TMEM178B: variants seen among roughly 807,000 people sequenced by gnomAD.
TMEM178B encodes the protein transmembrane protein 178B.
TMEM178B carries 5 observed loss-of-function variants against 31.0 expected under a neutral mutation model. The ratio of observed to expected loss-of-function variants is 0.16; its 90% CI spans 0.08 to 0.34. The LOEUF is 0.34. TMEM178B is among the 10% of genes least tolerant of loss of function. TMEM178B has a pLI of 1.00. For synonymous variants in TMEM178B, 164 were observed against 164.0 expected (o/e 1.00, Z 0.00); for missense variants, 275 against 400.3 (o/e 0.69, Z 2.67).
At chr7:141,097,018 A>C (rs1794971127) in intron 1 of TMEM178B, among the ~76,000 whole-genome samples, 1 of 151,968 alleles carries the variant, frequency 6.6e-6, no homozygotes, top group African/African-American at 2.4e-5. Flanking sequence ...TGAGTCCAGA[A>C]GATCAAGGCT....
intron 2 of TMEM178B, among the ~76,000 whole-genome samples, chr7:141,375,125 G>A (rs140310894): frequency 1.9e-4 from 29 of 152,282 alleles, no homozygotes; most frequent in South Asian, 1.5e-3. Flanking sequence ...TTGATTTACC[G>A]GATGATGGTC....
chr7:141,200,465 T>TGAGC (rs1170985235), intron 1 of TMEM178B, among the ~76,000 whole-genome samples: 1 of 152,086 alleles, frequency 6.6e-6, no homozygotes, highest in Non-Finnish European at 1.5e-5. Context: ...AAAAGTGCTG[T>TGAGC]GAGCCTGGAG....
chr7:141,121,309 A>G (rs1291358747), intron 1 of TMEM178B, among the ~76,000 whole-genome samples: 1 of 152,168 alleles, frequency 6.6e-6, no homozygotes, highest in African/African-American at 2.4e-5. Flanking sequence ...AATTTTCCCA[A>G]AGAGTGTAGT....
rs181689788 is a variant in TMEM178B, at chr7:141,116,087, T to C, written c.382+41395T>C. On this transcript the variant is annotated intron_variant, in intron 1 of 3. Transcript: ENST00000565468. ...CTTCAGCTCCGAGTTCAGTGTTTCA[T>C]GTGTCCCACACTGACTTCATTCTCT... 4.6e-5 allele frequency among the ~76,000 whole-genome samples: 7 copies of C among 152,368 alleles called. No individual in the cohort carries two copies. The East Asian group carries it at 1.3e-3, about 29-fold the overall frequency.
chr7:141,108,576 G>C (rs757964992), intron 1 of TMEM178B, among the ~76,000 whole-genome samples: 61 of 152,132 alleles, frequency 4.0e-4, no homozygotes, highest in Non-Finnish European at 7.9e-4. Context: ...AGTGAGATGG[G>C]GGAGCAGGTG....
the TMEM178B span, among the ~76,000 whole-genome samples, chr7:141,485,503 T>G: frequency 2.6e-5 from 4 of 152,352 alleles, no homozygotes; most frequent in East Asian, 7.7e-4. Flanking sequence ...AGCCACATGC[T>G]TAAAACACTG....
chr7:141,409,715 T>C (rs1800946429), intron 2 of TMEM178B, among the ~76,000 whole-genome samples: 1 of 151,696 alleles, frequency 6.6e-6, no homozygotes, highest in Non-Finnish European at 1.5e-5. Context: ...TGCTTGTCCT[T>C]TTTGACTGTC....
chr7:141,400,383 T>C (rs1027789957), intron 2 of TMEM178B, among the ~76,000 whole-genome samples: 3 of 152,170 alleles, frequency 2.0e-5, no homozygotes, highest in African/African-American at 7.2e-5. Context: ...TCAAACACAT[T>C]TGCATTTTGC....
chr7:141,338,485 A>C (rs925717693), intron 2 of TMEM178B, among the ~76,000 whole-genome samples: 2 of 152,206 alleles, frequency 1.3e-5, no homozygotes, highest in African/African-American at 4.8e-5. Flanking sequence ...AACGCCTGGA[A>C]CCCTAGAGTG....
At chr7:141,401,756 T>C (rs1800780576) in intron 2 of TMEM178B, among the ~76,000 whole-genome samples, 1 of 152,206 alleles carries the variant, frequency 6.6e-6, no homozygotes, top group African/African-American at 2.4e-5. Context: ...CTACAGACCA[T>C]ACGCATCTGC....
chr7:141,129,490 G>A (rs548705396), intron 1 of TMEM178B, among the ~76,000 whole-genome samples: 6 of 152,230 alleles, frequency 3.9e-5, no homozygotes, highest in Non-Finnish European at 7.4e-5. Context: ...TCAAGATAAC[G>A]AATGCTTCTA....
At chr7:141,124,378 G>GA (rs912598903) in intron 1 of TMEM178B, among the ~76,000 whole-genome samples, 5 of 151,692 alleles carry the variant, frequency 3.3e-5, no homozygotes, top group Non-Finnish European at 7.4e-5. Flanking sequence ...AAAAAAAATA[G>GA]AAAAAAAAGT....
At chr7:141,096,109 G>A (rs1486850799) in intron 1 of TMEM178B, among the ~76,000 whole-genome samples, 1 of 152,182 alleles carries the variant, frequency 6.6e-6, no homozygotes, top group Non-Finnish European at 1.5e-5. Flanking sequence ...CTCATAACTG[G>A]CATTCTTCCA....
At chr7:141,177,896 A>G (rs190734046) in intron 1 of TMEM178B, among the ~76,000 whole-genome samples, 2 of 152,148 alleles carry the variant, frequency 1.3e-5, no homozygotes, top group Non-Finnish European at 2.9e-5. Context: ...TCTTTATCCA[A>G]TTTGCCAGTC....
chr7:141,304,028 T>C (rs1348775742), intron 2 of TMEM178B, among the ~76,000 whole-genome samples: 1 of 152,212 alleles, frequency 6.6e-6, no homozygotes, highest in Admixed American at 6.5e-5. Context: ...AATCAGGTTT[T>C]TGGATGTAAA....
chr7:141,243,371 T>C (rs1277302577), intron 2 of TMEM178B, among the ~76,000 whole-genome samples: 1 of 152,036 alleles, frequency 6.6e-6, no homozygotes, highest in Non-Finnish European at 1.5e-5. Context: ...ACTTCTGTCT[T>C]TGTAAGGGGT....
At chr7:141,492,037 A>C in the TMEM178B span, among the ~76,000 whole-genome samples, 5 of 152,130 alleles carry the variant, frequency 3.3e-5, no homozygotes, top group Non-Finnish European at 7.4e-5. Context: ...CCAAGAAGAA[A>C]ATCTACATGC....
At chr7:141,152,116 C>T (rs1291346282) in intron 1 of TMEM178B, among the ~76,000 whole-genome samples, 1 of 152,186 alleles carries the variant, frequency 6.6e-6, no homozygotes, top group African/African-American at 2.4e-5. Flanking sequence ...GTGGCAGCTG[C>T]CTCCCTGGAG....
intron 1 of TMEM178B, among the ~76,000 whole-genome samples, chr7:141,199,063 G>A (rs569451449): frequency 4.9e-4 from 74 of 152,314 alleles, no homozygotes; most frequent in African/African-American, 1.7e-3. Context: ...CCAAAAACAC[G>A]CAGGCAGGAT....
Sources: gnomAD v4.1 joint callset for allele counts (sites outside exome capture counted in the v4.1 genomes callset) on GRCh38, gnomAD v4.1.1 for gene constraint, MANE v1.5 for transcripts, NCBI Gene and HGNC (gene_info 2026-07-23, HGNC 2026-07-21) for gene names.